Variants in RIMBP2 observed in about 807,000 individuals in gnomAD.
The protein encoded by RIMBP2 is RIMS binding protein 2.
Under a neutral mutation model 118.6 loss-of-function variants are expected in RIMBP2, and 48 were observed. That is an observed-to-expected ratio of 0.40 (90% confidence interval 0.32 to 0.51). RIMBP2 has a LOEUF of 0.51. Ranked by LOEUF, RIMBP2 falls within the 20% of genes least tolerant of loss-of-function variation. The probability of loss-of-function intolerance (pLI) is 0.41; values close to 1 mark genes in which losing one functional copy is unlikely to be tolerated. For synonymous variants in RIMBP2, 762 were observed against 742.9 expected, an observed-to-expected ratio of 1.03 and a Z score of -0.42; for missense variants, 1,551 against 1,768.3, an observed-to-expected ratio of 0.88 and a Z score of 2.20.
intron 1 of RIMBP2, among the ~76,000 whole-genome samples, chr12:130,698,814 T>A (rs1157619106): frequency 2.0e-5 from 3 of 151,762 alleles, no homozygotes; most frequent in African/African-American, 7.3e-5. Flanking sequence ...TGGGAGAAAA[T>A]TTTTGCAACC....
At chr12:130,515,356 T>C (rs11614242) in intron 3 of RIMBP2, among the ~76,000 whole-genome samples, 15,095 of 152,140 alleles carry the variant, frequency 0.099, 1,081 homozygotes, top group South Asian at 0.2. Flanking sequence ...TCTGTCTTCA[T>C]TAAACAGCAT....
At chr12:130,449,868 G>A (rs1350037786) in intron 9 of RIMBP2, among the ~76,000 whole-genome samples, 5 of 152,076 alleles carry the variant, frequency 3.3e-5, no homozygotes, top group Non-Finnish European at 4.4e-5. Context: ...GCAGCCAGAA[G>A]AGGAAAGAAG....
intron 2 of RIMBP2, among the ~76,000 whole-genome samples, chr12:130,611,593 C>G (rs2060559651): frequency 6.6e-6 from 1 of 152,224 alleles, no homozygotes; most frequent in Non-Finnish European, 1.5e-5. Context: ...CCTCCGTAGC[C>G]TGGGCTAGGA....
chr12:130,592,333 A>AGTG (rs2059319753), intron 2 of RIMBP2, among the ~76,000 whole-genome samples: 3 of 152,160 alleles, frequency 2.0e-5, no homozygotes, highest in African/African-American at 7.2e-5. Context: ...GGAACGAAAT[A>AGTG]GTGGTCTCTT....
intron 2 of RIMBP2, among the ~76,000 whole-genome samples, chr12:130,568,566 T>A (rs1487923857): frequency 6.6e-6 from 1 of 152,190 alleles, no homozygotes; most frequent in East Asian, 1.9e-4. Flanking sequence ...CCAGAAGCAA[T>A]GGAGAGACAA....
At chr12:130,631,681 CAAA>C (rs201707473) in intron 1 of RIMBP2, among the ~76,000 whole-genome samples, 1 of 135,300 alleles carries the variant, frequency 7.4e-6, no homozygotes, top group Admixed American at 7.4e-5. Context: ...ACTGGTAAGT[CAAA>C]AAAAAAAAAA....
chr12:130,450,343 C>A lies in RIMBP2; in HGVS notation c.505-67G>T. 8.1e-7 allele frequency: 1 copy of A among 1,241,488 alleles called. No homozygotes were observed. The highest frequency in any genetic ancestry group is 1.2e-6 in the Non-Finnish European group (1 of 860,976). 76.9% of individuals were successfully genotyped at this position (1,241,488 alleles called of 1,614,324 possible). ...GGTGTCCCACCCCATTCCCGCGGCA[C>A]ACGGGAAAGCCCCTCGCAGCTTCCT... On this transcript the variant is annotated intron_variant, in intron 8 of 22. Coordinates refer to ENST00000690449, the MANE Select transcript of RIMBP2 (RefSeq NM_001393629.1). The surrounding 1 kb of genome is among the most constrained non-coding windows in gnomAD (Gnocchi z 4.8).
In RIMBP2 at chr12:130,424,654, A is replaced by G; in HGVS notation, c.2617T>C (p.Tyr873His). 8.1e-7 allele frequency: 1 copy of G among 1,231,652 alleles called. No homozygotes were observed. Among genetic ancestry groups the G allele is most frequent in the Non-Finnish European group, 1.0e-6 (1 of 987,810 alleles). 76.3% of individuals were successfully genotyped at this position (1,231,652 alleles called of 1,614,324 possible). A position where few individuals can be genotyped will look rare whatever the true frequency, so the allele number is the denominator to read the frequency against. Residue 873 changes from tyrosine (Y) to histidine (H), a missense_variant, in exon 16 of 23, where the codon TAC becomes CAC. Physicochemically the swap from Tyr to His is moderately conservative, Grantham distance 83. Coordinates refer to ENST00000690449, the MANE Select transcript of RIMBP2 (RefSeq NM_001393629.1). The surrounding 1 kb of genome is among the most constrained non-coding windows in gnomAD (Gnocchi z 9.8). ...LAREPRPGRP[Y>H]RGDEAPRGSW... ...CCCCGAGGGGCCTCGTCGCCCCTGTAGGGCCTGCCGGGCCTGGGCTCTCTG... is the reference window on the plus strand; with the variant it reads ...CCCCGAGGGGCCTCGTCGCCCCTGTGGGGCCTGCCGGGCCTGGGCTCTCTG...
chr12:130,506,051 TG>T (rs2050312394), intron 4 of RIMBP2, among the ~76,000 whole-genome samples: 8 of 117,384 alleles, frequency 6.8e-5, no homozygotes, highest in Admixed American at 2.6e-4. Flanking sequence ...TTTTTATTTT[TG>T]TAAAAAAATG....
intron 2 of RIMBP2, among the ~76,000 whole-genome samples, chr12:130,542,739 C>T (rs918273955): frequency 6.6e-6 from 1 of 152,200 alleles, no homozygotes; most frequent in African/African-American, 2.4e-5. Flanking sequence ...CTGCCTTAAC[C>T]AAGACAATTC....
chr12:130,592,870 G>A (rs901814726), intron 2 of RIMBP2, among the ~76,000 whole-genome samples: 4 of 152,058 alleles, frequency 2.6e-5, no homozygotes, highest in African/African-American at 9.7e-5. Flanking sequence ...GTGAGGATCC[G>A]GGCTGCGATG....
At chr12:130,605,212 T>C (rs1594005969) in intron 2 of RIMBP2, among the ~76,000 whole-genome samples, 1 of 152,182 alleles carries the variant, frequency 6.6e-6, no homozygotes, top group Non-Finnish European at 1.5e-5. Flanking sequence ...ATCCTAATAA[T>C]ATAATGGATG....
chr12:130,628,808 A>T (rs1056019308), intron 1 of RIMBP2, among the ~76,000 whole-genome samples: 8 of 152,228 alleles, frequency 5.3e-5, no homozygotes, highest in Non-Finnish European at 1.2e-4. Flanking sequence ...GGATAGACAG[A>T]TGATAGCAAG....
At chr12:130,444,914 C>T (rs1201882186) in intron 10 of RIMBP2, among the ~76,000 whole-genome samples, 1 of 152,172 alleles carries the variant, frequency 6.6e-6, no homozygotes, top group Non-Finnish European at 1.5e-5. Flanking sequence ...CAGAGGTTAG[C>T]GGAAAACATC....
chr12:130,554,318 A>G (rs1202981670), intron 2 of RIMBP2, among the ~76,000 whole-genome samples: 2 of 152,200 alleles, frequency 1.3e-5, no homozygotes, highest in Non-Finnish European at 2.9e-5. Context: ...AACGTTTGCT[A>G]AAGTACCTAG....
chr12:130,479,993 T>C (rs2081820846), intron 4 of RIMBP2, among the ~76,000 whole-genome samples: 1 of 151,342 alleles, frequency 6.6e-6, no homozygotes, highest in Admixed American at 6.6e-5. Context: ...CCCATGAAGC[T>C]CACAGCAGTG....
intron 19 of RIMBP2, among the ~76,000 whole-genome samples, chr12:130,410,738 C>T (rs2136446101): frequency 6.6e-6 from 1 of 152,264 alleles, no homozygotes; most frequent in East Asian, 1.9e-4. Context: ...TCTCCAATAC[C>T]ACGTTGTCTC....
At chr12:130,714,064 G>A (rs1313291136) in intron 1 of RIMBP2, among the ~76,000 whole-genome samples, 1 of 152,126 alleles carries the variant, frequency 6.6e-6, no homozygotes, top group African/African-American at 2.4e-5. Context: ...CAGGATGCCA[G>A]CGCTCACCAA....
In RIMBP2 at chr12:130,441,963, G is replaced by A. The variant is rs1168974268; in HGVS notation, c.1389C>T (p.Pro463=). ...GAACCTTCACCTTATAGGCCATGTT[G>A]GGCCTGAGATTGAAGAACTGGTACT... is the stretch of plus-strand genomic sequence containing the variant. ...RYKYQFFNLR[P]NMAYKVKVLA... The change falls in exon 11 of 23, where the codon CCC becomes CCT. Residue 463 remains proline, a synonymous_variant. Coordinates refer to ENST00000690449, the MANE Select transcript of RIMBP2 (RefSeq NM_001393629.1). The A allele has an allele frequency of 1.2e-6, 2 of 1,614,132 alleles. No homozygotes were observed. The highest frequency in any genetic ancestry group is 1.7e-6 in the Non-Finnish European group (2 of 1,180,046).
Sources: allele counts gnomAD v4.1 joint callset (sites outside exome capture counted in the v4.1 genomes callset), GRCh38; gene constraint gnomAD v4.1.1; non-coding constraint Gnocchi (gnomAD v3.1); transcripts MANE v1.5; gene names NCBI Gene and HGNC (gene_info 2026-07-23, HGNC 2026-07-21).